The following MXRA5 variants were observed in gnomAD, a reference collection of about 807,000 sequenced individuals.
MXRA5 encodes matrix-remodeling-associated protein 5.
Under a neutral mutation model 112.5 loss-of-function variants are expected in MXRA5, and 41 were observed. That is an observed-to-expected ratio of 0.36 (90% CI 0.28 to 0.47). The LOEUF (loss-of-function observed/expected upper bound fraction) is 0.47, where lower values mean the gene tolerates loss of function less well. Among genes scored for constraint, MXRA5 ranks in the 20% least tolerant of loss-of-function variants. The pLI is 0.99. For missense variants in MXRA5, 2,150 were observed against 2,251.0 expected (o/e 0.96, Z 0.91); for synonymous variants, 862 against 900.8 (o/e 0.96, Z 0.77).
intron 6 of MXRA5, among the ~76,000 whole-genome samples, chrX:3,313,330 G>A (rs774252536): frequency 2.7e-5 from 3 of 112,546 alleles, no homozygotes; most frequent in African/African-American, 9.7e-5. Context: ...CCTGATCTCC[G>A]CTCACTGCAA....
chrX:3,340,978 G>T (rs1199825730), intron 2 of MXRA5, among the ~76,000 whole-genome samples: 4 of 77,051 alleles, frequency 5.2e-5, no homozygotes, highest in Non-Finnish European at 9.8e-5. Context: ...ATGTATAATA[G>T]ATATATATTA....
intron 2 of MXRA5, among the ~76,000 whole-genome samples, chrX:3,338,617 T>C (rs1921837141): frequency 9.2e-6 from 1 of 109,044 alleles, no homozygotes; most frequent in Non-Finnish European, 1.9e-5. Context: ...AGAGAATAGA[T>C]AGGTAGATTA....
rs1477679756 is a variant in MXRA5, at chrX:3,322,349, A to G, written c.3336T>C (p.Pro1112=). The G allele has an allele frequency of 8.3e-7, 1 of 1,211,159 alleles. No homozygotes were observed. The highest frequency in any genetic ancestry group is 2.2e-5 in the Admixed American group (1 of 45,937). ...IMSSMSPVKK[P]AETTVGTLLD... ...GGAGGGTACCAACTGTGGTTTCCGCAGGCTTCTTAACTGGAGACATACTGC... is the reference window on the plus strand; with the variant it reads ...GGAGGGTACCAACTGTGGTTTCCGCGGGCTTCTTAACTGGAGACATACTGC... Residue 1112 remains proline (P), a synonymous_variant, in exon 5 of 7, where the codon CCT becomes CCC. Transcript: ENST00000217939.
chrX:3,338,953 GA>G (rs1173566955), intron 2 of MXRA5, among the ~76,000 whole-genome samples: 9 of 70,593 alleles, frequency 1.3e-4, no homozygotes, highest in Non-Finnish European at 1.9e-4. Context: ...ATAATAGATA[GA>G]TAGTTAGATA....
chrX:3,325,168 A>C (rs1921427475), intron 4 of MXRA5, among the ~76,000 whole-genome samples, 193 bp from the exon 5 acceptor site: 1 of 111,647 alleles, frequency 9.0e-6, no homozygotes, highest in Admixed American at 9.6e-5. Flanking sequence ...GTGGTAACTA[A>C]CGGGTGCTTT....
chrX:3,338,720 CATAG>C (rs777037177), intron 2 of MXRA5, among the ~76,000 whole-genome samples: 107 of 110,176 alleles, frequency 9.7e-4, no homozygotes, highest in African/African-American at 3.3e-3. Context: ...ACAGATGATA[CATAG>C]ATAGATTGAT....
In MXRA5 at chrX:3,322,771, A is replaced by T. The variant is rs750082886; in HGVS notation, c.2914T>A (p.Ser972Thr). The change falls in exon 5 of 7, where the codon TCT (serine) becomes ACT (threonine). Residue 972 changes from serine (S) to threonine (T), a missense_variant. By Grantham distance (58) the Ser-to-Thr change is moderately conservative. Around this residue, in one of 6 missense-constraint regions of MXRA5, gnomAD observed 1,485 missense variants for 1,471.6 expected, o/e 1.01. Transcript: ENST00000217939. ...GGGTCAAAGTATTGCATGGGCTCAG[A>T]CTCAGCCAAGGAGACAGCATCCAAT... ...PPLDAVSLAE[S>T]EPMQYFDPDL... The T allele has an allele frequency of 2.0e-5, 24 of 1,209,262 alleles. No homozygotes were observed. In the Admixed American group the frequency reaches 5.0e-4, roughly 25 times the overall value.
At position 3,311,171 on chromosome X, in the gene MXRA5, C is replaced by T. The variant is rs7472834; in HGVS notation, c.7032G>A (p.Ala2344=). The part of the protein sequence containing the change: ...EMRVRVKVVT[A]PATIRNKTYL... The stretch of plus-strand genomic sequence containing the variant: ...AAGTCTTGTTCCGGATGGTGGCGGG[C>T]GCTGTCACCACCTTGACTCTGACTC... The change falls in exon 7 of 7, where the codon GCG becomes GCA. Residue 2344 remains alanine (A), a synonymous_variant. Coordinates refer to ENST00000217939, the MANE Select transcript of MXRA5 (RefSeq NM_015419.4). 8,649 of 1,209,462 alleles carry T rather than the reference C, an allele frequency of 7.2e-3. 381 individuals are homozygous for T. In the African/African-American group the frequency reaches 0.13, roughly 18 times the overall value.
rs1353998373 is a variant in MXRA5, at chrX:3,324,897, T to C, written c.788A>G (p.Tyr263Cys). 1 of 1,210,822 alleles carries C rather than the reference T, an allele frequency of 8.3e-7. No individual in the cohort carries two copies. Among genetic ancestry groups the C allele is most frequent in the East Asian group, 3.0e-5 (1 of 33,848 alleles). ...CTTCAGCTTGTGTATCTCATGTTTG[T>C]ACAACTTCTTTGGACTGAAGCACAT... ...CAMCFSPKKLYKHEIHKLKDM... is the reference protein window; with the variant it reads ...CAMCFSPKKLCKHEIHKLKDM... The change falls in exon 5 of 7, where the codon TAC (tyrosine) becomes TGC (cysteine). Residue 263 changes from tyrosine to cysteine, a missense_variant. By Grantham distance (194) the Tyr-to-Cys change is radical. Around this residue, in one of 6 missense-constraint regions of MXRA5, gnomAD observed 386 missense variants for 411.0 expected, o/e 0.94. Coordinates refer to ENST00000217939, the MANE Select transcript of MXRA5 (RefSeq NM_015419.4).
rs144639495 is a variant in MXRA5, at chrX:3,322,160, G to A, written c.3525C>T (p.Ala1175=). ...GTTGAGTAGAAAAAGTCTCTGATGG[G>A]GCAAAAGTTGTGGGTGGGGTTTGCT... is the stretch of plus-strand genomic sequence containing the variant. ...RHKQTPPTTF[A]PSETFSTQPT... Residue 1175 remains alanine (A), a synonymous_variant, in exon 5 of 7, where the codon GCC becomes GCT. Coordinates refer to ENST00000217939, the MANE Select transcript of MXRA5 (RefSeq NM_015419.4). 1.2e-5 allele frequency: 14 copies of A among 1,194,027 alleles called. No homozygotes were observed. In the African/African-American group the frequency reaches 1.9e-4, roughly 17 times the overall value.
Position 3,324,400 on chromosome X carries a change from G to C in MXRA5, c.1285C>G (p.Pro429Ala). The C allele has an allele frequency of 8.3e-7, 1 of 1,211,601 alleles. No homozygotes were observed. Among genetic ancestry groups the C allele is most frequent in the Non-Finnish European group, 1.1e-6 (1 of 895,508 alleles). Residue 429 changes from proline to alanine, a missense_variant, in exon 5 of 7, where the codon CCA becomes GCA. Around this residue, in one of 6 missense-constraint regions of MXRA5, gnomAD observed 386 missense variants for 411.0 expected, o/e 0.94. Coordinates refer to ENST00000217939, the MANE Select transcript of MXRA5 (RefSeq NM_015419.4). ...ATGGATGGCTGCATGACCCATTCTG[G>C]TTCTGCAAGAATCTGGGCTCTCACA... The part of the protein sequence containing the change: ...TGVRAQILAE[P>A]EWVMQPSIDI...
rs1158572087 is a variant in MXRA5 at position 3,341,571 on chromosome X, AT to A, written c.188+2074del. On this transcript the variant is annotated intron_variant, in intron 2 of 6. Coordinates refer to ENST00000217939, the MANE Select transcript of MXRA5 (RefSeq NM_015419.4). ...TATATATAATATATATTATTATTATATATAATATATATAATATATATTATTA... is the reference window on the plus strand; with the variant it reads ...TATATATAATATATATTATTATTATAATAATATATATAATATATATTATTA... Among the ~76,000 whole-genome samples, 2 of 25,779 alleles carry A rather than the reference AT, an allele frequency of 7.8e-5. 1 individual carries two copies. Among genetic ancestry groups the A allele is most frequent in the Non-Finnish European group, 1.1e-4 (2 of 18,547 alleles). 22.4% of individuals were successfully genotyped at this position (25,779 alleles called of 115,157 possible).
Position 3,346,588 on chromosome X carries a change from G to T in MXRA5, c.-102C>A. 3.5e-5 allele frequency: 26 copies of T among 753,607 alleles called. No individual in the cohort carries two copies. Among genetic ancestry groups the T allele is most frequent in the Non-Finnish European group, 4.1e-5 (26 of 638,378 alleles). The allele number at this position is 753,607 out of a possible 1,213,427, so 62.1% of individuals were successfully genotyped here. On this transcript the variant is annotated 5_prime_UTR_variant, in exon 1 of 7. Transcript: ENST00000217939. The stretch of plus-strand genomic sequence containing the variant: ...CACCGAGCCGGGGCGCGCGAGTCAC[G>T]GCCGGGAGTTTGCCGGGGCCATGCC...
rs370294021 is a variant in MXRA5 at position 3,315,347 on chromosome X, TGATA to T, written c.6578+1752_6578+1755del. ...AGATAGATAGATATAGATAGATAGA[TGATA>T]GATAGATAGATAGATAGATAGAATA... is the stretch of plus-strand genomic sequence containing the variant. On this transcript the variant is annotated intron_variant, in intron 6 of 6. Transcript: ENST00000217939. 1.7e-3 allele frequency among the ~76,000 whole-genome samples: 101 copies of T among 60,552 alleles called. 8 individuals carry two copies. The highest frequency in any genetic ancestry group is 8.1e-3 in the Middle Eastern group (1 of 124). The allele number at this position is 60,552 out of a possible 115,157, so 52.6% of individuals were successfully genotyped here.
In MXRA5 at chrX:3,324,529, C is replaced by T. The variant is rs184122858; in HGVS notation, c.1156G>A (p.Glu386Lys). The T allele has an allele frequency of 9.8e-5, 118 of 1,209,510 alleles. No homozygotes were observed. The East Asian group carries it at 2.4e-3, about 25-fold the overall frequency. ...KLWKLIAYYS[E>K]VPVKLHRELM... ...TCTCTGTGTAGCTTCACGGGAACTT[C>T]ACTGTAGTATGCTATCAATTTCCAT... The change falls in exon 5 of 7, where the codon GAA becomes AAA. Residue 386 changes from glutamate to lysine, a missense_variant. Transcript: ENST00000217939.
chrX:3,340,943 G>C (rs1337991531), intron 2 of MXRA5, among the ~76,000 whole-genome samples: 1 of 82,505 alleles, frequency 1.2e-5, no homozygotes. Flanking sequence ...TGCTGTGCAA[G>C]AAGCACCGCA....
intron 4 of MXRA5, among the ~76,000 whole-genome samples, chrX:3,327,845 A>G (rs1921549364): frequency 8.9e-6 from 1 of 112,914 alleles, no homozygotes; most frequent in South Asian, 3.6e-4. Context: ...TAACCTTAAT[A>G]CTTTACAATC....
intron 4 of MXRA5, among the ~76,000 whole-genome samples, chrX:3,327,421 C>A (rs1346464215): frequency 8.9e-6 from 1 of 112,218 alleles, no homozygotes; most frequent in East Asian, 2.8e-4. Context: ...CATGGCTCAG[C>A]GAATGAGCGC....
chrX:3,309,910 T>G lies in MXRA5; in HGVS notation c.8293A>C (p.Ile2765Leu). 8.3e-7 allele frequency: 1 copy of G among 1,211,662 alleles called. No individual in the cohort carries two copies. Among genetic ancestry groups the G allele is most frequent in the Non-Finnish European group, 1.1e-6 (1 of 895,525 alleles). ...GACTTATCCGGTAACTCCCACGTGA[T>G]GTCAGCTTTGGGAATCCCCATAGCC... ...CMAMGIPKAD[I>L]TWELPDKSHL... The change falls in exon 7 of 7, where the codon ATC (isoleucine) becomes CTC (leucine). Residue 2765 changes from isoleucine to leucine, a missense_variant. Physicochemically the swap from Ile to Leu is conservative, Grantham distance 5. Transcript: ENST00000217939.
Sources: gnomAD v4.1 joint callset for allele counts (sites outside exome capture counted in the v4.1 genomes callset) on GRCh38, gnomAD v4.1.1 for gene constraint, gnomAD v4.1.1 regional missense constraint, MANE v1.5 for transcripts, NCBI Gene and HGNC (gene_info 2026-07-23, HGNC 2026-07-21) for gene names.